The following TAOK1 variants were observed in gnomAD, a reference collection of about 807,000 sequenced individuals.
The protein encoded by TAOK1 is TAO kinase 1, also known as serine/threonine-protein kinase TAO1.
TAOK1 carries 21 observed loss-of-function variants against 138.3 expected under a neutral mutation model. The ratio of observed to expected loss-of-function variants is 0.15; its 90% CI spans 0.11 to 0.22. TAOK1 has a LOEUF of 0.22. TAOK1 is among the 10% of genes least tolerant of loss of function. The pLI is 1.00. For missense variants in TAOK1, 651 were observed against 1,227.7 expected, an observed-to-expected ratio of 0.53 and a Z score of 7.02; for synonymous variants, 361 against 398.4, an observed-to-expected ratio of 0.91 and a Z score of 1.12.
Position 29,490,515 on chromosome 17 carries a change from A to G in TAOK1, c.749+758A>G, listed in dbSNP as rs996226100. Among the ~76,000 whole-genome samples the G allele has an allele frequency of 3.3e-5, 5 of 152,234 alleles. No homozygotes were observed. The South Asian group carries it at 8.3e-4, about 25-fold the overall frequency. ...TTAATTATTTAAAGAGTACATAATT[A>G]TGGCACATTCATATAAGTCTTTGCC... On this transcript the variant is annotated intron_variant, in intron 9 of 19. Transcript: ENST00000261716.
rs1241262954 is a variant in TAOK1, at chr17:29,542,945, C to T, written c.2929C>T (p.Arg977Trp). ...QALRRTASGG[R>W]TEQGMSRSTS... ...TCTGAGGCGGACAGCTTCTGGGGGA[C>T]GGACGGAGCAGGGCATGAGCAGAAG... Residue 977 changes from arginine to tryptophan, a missense_variant, in exon 20 of 20, where the codon CGG becomes TGG. Coordinates refer to ENST00000261716, the MANE Select transcript of TAOK1 (RefSeq NM_020791.4). 3.7e-6 allele frequency: 6 copies of T among 1,613,316 alleles called. No individual in the cohort carries two copies. Among genetic ancestry groups the T allele is most frequent in the Non-Finnish European group, 2.5e-6 (3 of 1,179,884 alleles).
Position 29,445,958 on chromosome 17 carries a change from G to A in TAOK1, c.-94-5497G>A, listed in dbSNP as rs182051200. 7.6e-4 allele frequency among the ~76,000 whole-genome samples: 116 copies of A among 152,056 alleles called. 1 individual carries two copies. Among genetic ancestry groups the A allele is most frequent in the Admixed American group, 1.2e-3 (19 of 15,262 alleles). ...CTGGAGTTTTCTTTCATATACATAT[G>A]ACTAATCAGGTTACTTTCTTGAGTG... On this transcript the variant is annotated intron_variant, in intron 1 of 19. Transcript: ENST00000261716.
intron 3 of TAOK1, among the ~76,000 whole-genome samples, chr17:29,472,762 G>A (rs2030852940): frequency 6.6e-6 from 1 of 151,148 alleles, no homozygotes; most frequent in Admixed American, 6.6e-5. Context: ...TTTTAGTAGA[G>A]ACAGGGTTTC....
intron 1 of TAOK1, 76 bp downstream of exon 1, chr17:29,391,100 G>C (rs1270415918): frequency 6.6e-6 from 1 of 152,468 alleles, no homozygotes. Context: ...GCCTGTGTGT[G>C]GAAGAAGGGA....
chr17:29,534,144 A>G lies in TAOK1; in HGVS notation c.2388A>G (p.Ala796=). The stretch of plus-strand genomic sequence containing the variant: ...TGCGTTTGGATGAAGCACAGGAAGC[A>G]GAGTGCCAGGTTTTGAAGATGCAGC... ...QALRLDEAQE[A]ECQVLKMQLQ... is the part of the protein sequence containing the mutation. Residue 796 remains alanine (A), a synonymous_variant, in exon 19 of 20, where the codon GCA becomes GCG. Coordinates refer to ENST00000261716, the MANE Select transcript of TAOK1 (RefSeq NM_020791.4). 1 of 1,610,246 alleles carries G rather than the reference A, an allele frequency of 6.2e-7. No homozygotes were observed. Among genetic ancestry groups the G allele is most frequent in the Non-Finnish European group, 8.5e-7 (1 of 1,178,594 alleles).
Position 29,539,823 on chromosome 17 carries a change from C to T in TAOK1, c.2545-2738C>T, listed in dbSNP as rs148703443. Among the ~76,000 whole-genome samples the T allele has an allele frequency of 2.4e-4, 37 of 151,632 alleles. 3 individuals carry two copies. In the East Asian group the frequency reaches 6.6e-3, roughly 27 times the overall value. On this transcript the variant is annotated intron_variant, in intron 19 of 19. Transcript: ENST00000261716. ...TGAGCCTGGGAGGTGGAGGTTGCAG[C>T]GAGCCACGATCGCGCCACTGCACTC...
At chr17:29,402,214 A>G (rs1319177406) in intron 1 of TAOK1, among the ~76,000 whole-genome samples, 2 of 152,176 alleles carry the variant, frequency 1.3e-5, no homozygotes, top group Admixed American at 6.6e-5. Context: ...AGGTTTTTGT[A>G]TTAAGGAACG....
intron 1 of TAOK1, among the ~76,000 whole-genome samples, chr17:29,399,552 T>C (rs1299372996): frequency 6.6e-6 from 1 of 151,824 alleles, no homozygotes; most frequent in African/African-American, 2.4e-5. Flanking sequence ...CCTGACCTCG[T>C]GATCTGCCCG....
intron 1 of TAOK1, among the ~76,000 whole-genome samples, chr17:29,398,128 C>T (rs1261713827): frequency 6.6e-6 from 1 of 152,132 alleles, no homozygotes; most frequent in Admixed American, 6.6e-5. Context: ...CTCAGCATCC[C>T]AAAGAGCTGG....
chr17:29,489,903 A>G (rs188567873), intron 9 of TAOK1, 146 bp downstream of exon 9: 48 of 472,822 alleles, frequency 1.0e-4, no homozygotes, highest in Non-Finnish European at 1.4e-4. Context: ...CCTTTTAAAT[A>G]TATTTATTCT....
chr17:29,458,770 C>G (rs1040956177), intron 2 of TAOK1, among the ~76,000 whole-genome samples: 2 of 152,232 alleles, frequency 1.3e-5, no homozygotes, highest in East Asian at 1.9e-4. Flanking sequence ...TCTCGCCCCA[C>G]TGCAACCTCT....
At chr17:29,421,680 C>A (rs1377822104) in intron 1 of TAOK1, among the ~76,000 whole-genome samples, 1 of 151,324 alleles carries the variant, frequency 6.6e-6, no homozygotes, top group Non-Finnish European at 1.5e-5. Flanking sequence ...CCCACAGAAG[C>A]CTTGACCTCC....
intron 3 of TAOK1, among the ~76,000 whole-genome samples, chr17:29,473,001 T>G (rs1742329892): frequency 6.6e-6 from 1 of 152,222 alleles, no homozygotes; most frequent in Non-Finnish European, 1.5e-5. Context: ...ATCAGAGTTC[T>G]TGGGTGGCTA....
rs35255570 is a variant in TAOK1 at position 29,482,742 on chromosome 17, AT to A, written c.655+466del. Among the ~76,000 whole-genome samples, 782 of 145,340 alleles carry A rather than the reference AT, an allele frequency of 5.4e-3. 5 individuals are homozygous for A. The highest frequency in any genetic ancestry group is 0.015 in the African/African-American group (602 of 39,898). The stretch of plus-strand genomic sequence containing the variant: ...CAGTTTGATATATATATATATACAT[AT>A]TTTTTTTTTTTAAGACGGTAAGGCC... On this transcript the variant is annotated intron_variant, in intron 8 of 19. Coordinates refer to ENST00000261716, the MANE Select transcript of TAOK1 (RefSeq NM_020791.4).
chr17:29,496,738 A>G (rs527710364), intron 11 of TAOK1, among the ~76,000 whole-genome samples: 1 of 150,590 alleles, frequency 6.6e-6, no homozygotes, highest in Non-Finnish European at 1.5e-5. Flanking sequence ...CAGGTGCGCC[A>G]CCACGCCCAA....
Position 29,522,491 on chromosome 17 carries a change from A to C in TAOK1, c.2120A>C (p.Glu707Ala). ...ERELRRKHVMEVRQQPKSLKS... is the reference protein window; with the variant it reads ...ERELRRKHVMAVRQQPKSLKS... ...GAACTAAGACGAAAGCATGTCATGG[A>C]AGTTCGACAACAGCCTAAGAGTTTG... is the stretch of plus-strand genomic sequence containing the variant. The change falls in exon 17 of 20, where the codon GAA becomes GCA. Residue 707 changes from glutamate to alanine, a missense_variant. By Grantham distance (107) the Glu-to-Ala change is moderately radical. This residue lies in a region of TAOK1 where 258 missense variants were observed against 548.9 expected (regional missense o/e 0.47). Coordinates refer to ENST00000261716, the MANE Select transcript of TAOK1 (RefSeq NM_020791.4). The C allele has an allele frequency of 6.2e-7, 1 of 1,614,202 alleles. No individual in the cohort carries two copies. Among genetic ancestry groups the C allele is most frequent in the Non-Finnish European group, 8.5e-7 (1 of 1,180,038 alleles).
intron 1 of TAOK1, among the ~76,000 whole-genome samples, chr17:29,413,922 G>A (rs1053475127): frequency 4.3e-5 from 5 of 116,880 alleles, no homozygotes; most frequent in Non-Finnish European, 8.0e-5. Context: ...TTGCTCTATC[G>A]CCCAGGCTGG....
In TAOK1 at chr17:29,390,926, C is replaced by CCCT. The variant is rs1389817677; in HGVS notation, c.-182_-180dup. ...GGGGGCGGCGATCTGTCGCCGGGCC[C>CCCT]CCTCCTCCTCCTCACTCCTCACCCT... is the stretch of plus-strand genomic sequence containing the variant. On this transcript the variant is annotated 5_prime_UTR_variant, in exon 1 of 20. Coordinates refer to ENST00000261716, the MANE Select transcript of TAOK1 (RefSeq NM_020791.4). The CCCT allele has an allele frequency of 6.6e-6, 1 of 152,240 alleles. No individual in the cohort carries two copies. The highest frequency in any genetic ancestry group is 6.5e-5 in the Admixed American group (1 of 15,274). The allele number at this position is 152,240 out of a possible 1,614,324, so 9.4% of individuals were successfully genotyped here.
intron 11 of TAOK1, among the ~76,000 whole-genome samples, chr17:29,496,404 C>T (rs1337833652): frequency 6.6e-6 from 1 of 152,038 alleles, no homozygotes; most frequent in East Asian, 1.9e-4. Context: ...AGGCATGGGC[C>T]ACTGTGCCCA....
Sources: allele counts gnomAD v4.1 joint callset (sites outside exome capture counted in the v4.1 genomes callset), GRCh38; gene constraint gnomAD v4.1.1; regional missense constraint gnomAD v4.1.1; transcripts MANE v1.5; gene names NCBI Gene and HGNC (gene_info 2026-07-23, HGNC 2026-07-21).